NFATC4: variants seen among roughly 807,000 people sequenced by gnomAD.
NFATC4 encodes nuclear factor of activated T-cells, cytoplasmic 4.
In NFATC4, 25 loss-of-function variants were observed where a neutral mutation model predicts 73.4. The ratio of observed to expected loss-of-function variants is 0.34; its 90% confidence interval spans 0.25 to 0.48. The LOEUF is 0.48. NFATC4 is among the 20% of genes least tolerant of loss of function. NFATC4 has a pLI of 0.99. For synonymous variants in NFATC4, 523 were observed against 510.3 expected (o/e 1.02, Z -0.34); for missense variants, 1,130 against 1,203.7 (o/e 0.94, Z 0.91).
At position 24,377,718 on chromosome 14, in the gene NFATC4, G is replaced by C; in HGVS notation, c.*13G>C. The C allele has an allele frequency of 6.2e-7, 1 of 1,614,162 alleles. No homozygotes were observed. Among genetic ancestry groups the C allele is most frequent in the Non-Finnish European group, 8.5e-7 (1 of 1,180,004 alleles). Reference sequence around the variant, plus strand: ...GCCTCCTGCCTGAACCACGTGAACTGTCATCACCTGGCAACCCCAGCCCCA... The same window carrying C: ...GCCTCCTGCCTGAACCACGTGAACTCTCATCACCTGGCAACCCCAGCCCCA... On this transcript the variant is annotated 3_prime_UTR_variant, in exon 10 of 10. Transcript: ENST00000250373. The surrounding 1 kb of genome is among the most constrained non-coding windows in gnomAD (Gnocchi z 4.2).
rs1206815249 is a variant in NFATC4 at position 24,373,679 on chromosome 14, C to A, written c.1560-16C>A. ...GCTTCAGCTAGGAGGGCTTGCCATC[C>A]ATCCTTTGCCTCCAGCATTGACTGC... is the stretch of plus-strand genomic sequence containing the variant. On this transcript the variant is annotated splice_polypyrimidine_tract_variant and intron_variant, in intron 4 of 9. Coordinates refer to ENST00000250373, the MANE Select transcript of NFATC4 (RefSeq NM_004554.5). The surrounding 1 kb of genome is among the most constrained non-coding windows in gnomAD (Gnocchi z 4.7). 1 of 1,592,028 alleles carries A rather than the reference C, an allele frequency of 6.3e-7. No homozygotes were observed.
chr14:24,379,502 C>A lies in NFATC4; in HGVS notation c.*1797C>A, dbSNP rs2042712468. 1 of 152,230 alleles carries A rather than the reference C, an allele frequency of 6.6e-6. No individual in the cohort carries two copies. Among genetic ancestry groups the A allele is most frequent in the Non-Finnish European group, 1.5e-5 (1 of 68,050 alleles). The allele number at this position is 152,230 out of a possible 1,614,324, so 9.4% of individuals were successfully genotyped here. Reference sequence around the variant, plus strand: ...CAGGACACTGCCATTCATGCATTGTCAGATATTTATTAAACAGCAGCAAAG... The same window carrying A: ...CAGGACACTGCCATTCATGCATTGTAAGATATTTATTAAACAGCAGCAAAG... On this transcript the variant is annotated 3_prime_UTR_variant, in exon 10 of 10. Transcript: ENST00000250373.
upstream of NFATC4, chr14:24,367,574 G>C (rs2042339614): frequency 6.5e-7 from 1 of 1,536,040 alleles, no homozygotes; most frequent in African/African-American, 1.4e-5. Context: ...TCATCTTTGG[G>C]GGTCCTGGAG....
In NFATC4 at chr14:24,373,113, G is replaced by A. The variant is rs2042517364; in HGVS notation, c.1360-58G>A. On this transcript the variant is annotated intron_variant, in intron 3 of 9. Coordinates refer to ENST00000250373, the MANE Select transcript of NFATC4 (RefSeq NM_004554.5). The surrounding 1 kb of genome is among the most constrained non-coding windows in gnomAD (Gnocchi z 4.7). ...CATGGTAGACTGAAAATCTAGGGAT[G>A]AATAAAGGATGAGACGGTGGGGATT... 2.0e-6 allele frequency: 3 copies of A among 1,533,998 alleles called. No homozygotes were observed. The highest frequency in any genetic ancestry group is 2.3e-5 in the East Asian group (1 of 44,124).
At position 24,369,711 on chromosome 14, in the gene NFATC4, G is replaced by T; in HGVS notation, c.313G>T (p.Ala105Ser). 6.2e-7 allele frequency: 1 copy of T among 1,610,784 alleles called. No individual in the cohort carries two copies. Residue 105 changes from alanine (A) to serine (S), a missense_variant, in exon 2 of 10, where the codon GCT becomes TCT. Transcript: ENST00000250373. ...AGGACCAGGAGGGGGTGCTGGGGGT[G>T]CTGGGGGTGGCCGTGTTCTCGAGTG... is the stretch of plus-strand genomic sequence containing the variant. ...LGGPGGGAGG[A>S]GGGRVLECPS... is the part of the protein sequence containing the mutation.
upstream of NFATC4, chr14:24,367,975 G>T: frequency 9.1e-7 from 1 of 1,099,348 alleles, no homozygotes. Flanking sequence ...ACTCTTGAAG[G>T]ACCGTTTTCC....
chr14:24,368,561 A>G, intron 1 of NFATC4, 121 bp downstream of exon 1: 2 of 863,420 alleles, frequency 2.3e-6, no homozygotes, highest in South Asian at 5.6e-5. Context: ...GGTCGAAGGG[A>G]GTCGGGGGGA....
In NFATC4 at chr14:24,374,374, G is replaced by A; in HGVS notation, c.1781G>A (p.Ser594Asn). Residue 594 changes from serine to asparagine, a missense_variant, in exon 6 of 10, where the codon AGT (serine) becomes AAT (asparagine). By Grantham distance (46) the Ser-to-Asn change is conservative. This residue lies in a region of NFATC4 where 390 missense variants were observed against 408.1 expected (regional missense o/e 0.96). Coordinates refer to ENST00000250373, the MANE Select transcript of NFATC4 (RefSeq NM_004554.5). Reference sequence around the variant, plus strand: ...CCCCAGGTGGAGGCCTACAGCCCCAGTGCCTGCTCTGTGAGAGGAGGCGAG... The same window carrying A: ...CCCCAGGTGGAGGCCTACAGCCCCAATGCCTGCTCTGTGAGAGGAGGCGAG... ...ELPQVEAYSP[S>N]ACSVRGGEEL... 2 of 1,614,014 alleles carry A rather than the reference G, an allele frequency of 1.2e-6. No individual in the cohort carries two copies. The highest frequency in any genetic ancestry group is 1.7e-6 in the Non-Finnish European group (2 of 1,179,980).
intron 1 of NFATC4, chr14:24,369,008 CT>C: frequency 1.6e-6 from 2 of 1,260,748 alleles, no homozygotes; most frequent in Non-Finnish European, 1.0e-6. Flanking sequence ...ACCTCCGCCC[CT>C]AGATGGCGAG....
intron 1 of NFATC4, 200 bp from the exon 2 acceptor site, chr14:24,369,299 G>A: frequency 6.4e-7 from 1 of 1,569,190 alleles, no homozygotes; most frequent in Non-Finnish European, 8.6e-7. Context: ...GGGGCCAGTG[G>A]GCAAAGGCCT....
chr14:24,367,620 A>G (rs1211082170), upstream of NFATC4: 15 of 1,536,152 alleles, frequency 9.8e-6, no homozygotes, highest in East Asian at 3.7e-4. Flanking sequence ...GGCAGCGCAA[A>G]GACTTCCAGA....
At position 24,376,220 on chromosome 14, in the gene NFATC4, G is replaced by A; in HGVS notation, c.2057-74G>A. On this transcript the variant is annotated intron_variant, in intron 8 of 9. Transcript: ENST00000250373. The surrounding 1 kb of genome is among the most constrained non-coding windows in gnomAD (Gnocchi z 5.0). ...GGTGAATGGAACCTGGGAGGAGCAG[G>A]CAGCTGGAAGGTGTGCAGTGGGGAG... 1.9e-6 allele frequency: 3 copies of A among 1,569,514 alleles called. No homozygotes were observed. Among genetic ancestry groups the A allele is most frequent in the Non-Finnish European group, 2.6e-6 (3 of 1,155,808 alleles).
chr14:24,371,198 C>A (rs748049166), intron 2 of NFATC4, among the ~76,000 whole-genome samples: 2 of 152,224 alleles, frequency 1.3e-5, no homozygotes, highest in Non-Finnish European at 2.9e-5. Flanking sequence ...AATCTTAAAT[C>A]TTGAGATGTT....
rs138954014 is a variant in NFATC4, at chr14:24,372,595, G to A, written c.1351G>A (p.Val451Ile). The A allele has an allele frequency of 1.1e-4, 182 of 1,613,860 alleles. No individual in the cohort carries two copies. The highest frequency in any genetic ancestry group is 7.5e-4 in the African/African-American group (56 of 75,036). Residue 451 changes from valine (V) to isoleucine (I), a missense_variant, in exon 3 of 10, where the codon GTA (valine) becomes ATA (isoleucine). Physicochemically the swap from Val to Ile is conservative, Grantham distance 29 (BLOSUM62 3). Coordinates refer to ENST00000250373, the MANE Select transcript of NFATC4 (RefSeq NM_004554.5). ...AVKAAPGGHP[V>I]VKLLGYSEKP... The stretch of plus-strand genomic sequence containing the variant: ...CAAAGCTGCCCCTGGCGGTCACCCC[G>A]TAGTCAAGGTAAAGGACAGACAGCA...
At position 24,372,921 on chromosome 14, in the gene NFATC4, A is replaced by T. The variant is rs537088560; in HGVS notation, c.1360-250A>T. On this transcript the variant is annotated intron_variant, in intron 3 of 9. Coordinates refer to ENST00000250373, the MANE Select transcript of NFATC4 (RefSeq NM_004554.5). ...TGGGAGTTAAGTTTTCTCTGTATTG[A>T]GTTGGGCCAGTCTCTTTGGAGGCTC... 81 of 598,512 alleles carry T rather than the reference A, an allele frequency of 1.4e-4. 1 individual carries two copies. In the South Asian group the frequency reaches 1.6e-3, roughly 12 times the overall value. 37.1% of individuals were successfully genotyped at this position (598,512 alleles called of 1,614,324 possible). A position where few individuals can be genotyped will look rare whatever the true frequency, so the allele number is the denominator to read the frequency against.
At chr14:24,367,915 C>A, upstream of NFATC4, 2 of 1,290,632 alleles carry the variant, frequency 1.5e-6, no homozygotes, top group South Asian at 2.6e-5. Context: ...GCTGGGCTCT[C>A]TGCGGGAAAT....
At chr14:24,368,972 C>T (rs2042386087) in intron 1 of NFATC4, 2 of 1,131,138 alleles carry the variant, frequency 1.8e-6, no homozygotes, top group African/African-American at 3.2e-5. Flanking sequence ...CCGGCTGGGC[C>T]CAGCACGCAT....
chr14:24,369,371 CAGA>C lies in NFATC4; in HGVS notation c.101-125_101-123del, dbSNP rs746612251. On this transcript the variant is annotated intron_variant, in intron 1 of 9. Transcript: ENST00000250373. Reference sequence around the variant, plus strand: ...CCAACTCTGCTTTTGTCTTGTGGCTCAGAAGGTCTCTTTGCTGAGGGGCAGGGA... The same window carrying C: ...CCAACTCTGCTTTTGTCTTGTGGCTCAGGTCTCTTTGCTGAGGGGCAGGGA... 6.2e-5 allele frequency: 99 copies of C among 1,600,130 alleles called. No homozygotes were observed. The African/African-American group carries it at 1.2e-3, about 19-fold the overall frequency.
At position 24,376,500 on chromosome 14, in the gene NFATC4, C is replaced by G. The variant is rs1566471741; in HGVS notation, c.2263C>G (p.Pro755Ala). 1 of 1,613,764 alleles carries G rather than the reference C, an allele frequency of 6.2e-7. No homozygotes were observed. The highest frequency in any genetic ancestry group is 1.3e-5 in the African/African-American group (1 of 74,982). Residue 755 changes from proline to alanine, a missense_variant, in exon 9 of 10, where the codon CCA (proline) becomes GCA (alanine). By Grantham distance (27) the Pro-to-Ala change is conservative. Coordinates refer to ENST00000250373, the MANE Select transcript of NFATC4 (RefSeq NM_004554.5). This position sits in a 1 kb window ranked among gnomAD's most constrained non-coding sequence, Gnocchi z 5.0. The part of the protein sequence containing the change: ...MPPLYPQTGP[P>A]PSYRPGLRMF... The stretch of plus-strand genomic sequence containing the variant: ...CCCTCTGTACCCCCAGACGGGGCCC[C>G]CACCATCCTACAGACCGGGCCTGCG...
Sources: gnomAD v4.1 joint callset for allele counts (sites outside exome capture counted in the v4.1 genomes callset) on GRCh38, gnomAD v4.1.1 for gene constraint, gnomAD v4.1.1 regional missense constraint, Gnocchi (gnomAD v3.1) non-coding constraint, MANE v1.5 for transcripts, NCBI Gene and HGNC (gene_info 2026-07-23, HGNC 2026-07-21) for gene names.